The following SHF variants were observed in gnomAD, a reference collection of about 807,000 sequenced individuals.
SHF encodes the protein Src homology 2 domain containing F.
In SHF, 30 loss-of-function variants were observed where a neutral mutation model predicts 42.4. The observed-to-expected ratio is 0.71, with a 90% CI of 0.53 to 0.96. SHF has a LOEUF of 0.96. SHF is among the 40% of genes least tolerant of loss of function. The probability of loss-of-function intolerance (pLI) is 0.00; values close to 1 mark genes in which losing one functional copy is unlikely to be tolerated. For synonymous variants in SHF, 264 were observed against 269.9 expected (o/e 0.98, Z 0.21); for missense variants, 598 against 634.0 (o/e 0.94, Z 0.61).
chr15:45,177,630 C>T (rs1373463667), intron 2 of SHF, among the ~76,000 whole-genome samples: 1 of 152,142 alleles, frequency 6.6e-6, no homozygotes, highest in Non-Finnish European at 1.5e-5. Context: ...TGCCTCAGGG[C>T]CGTGGCTTGG....
At chr15:45,198,327 GA>G (rs1439771596) in intron 2 of SHF, among the ~76,000 whole-genome samples, 2 of 152,026 alleles carry the variant, frequency 1.3e-5, no homozygotes, top group Non-Finnish European at 2.9e-5. Flanking sequence ...AAATGTACAT[GA>G]AAAGAGAAAA....
Position 45,187,953 on chromosome 15 carries a change from G to C in SHF, c.-2C>G. 8.5e-7 allele frequency: 1 copy of C among 1,172,586 alleles called. No individual in the cohort carries two copies. The highest frequency in any genetic ancestry group is 1.1e-6 in the Non-Finnish European group (1 of 949,992). The allele number at this position is 1,172,586 out of a possible 1,614,324, so 72.6% of individuals were successfully genotyped here. Reference sequence around the variant, plus strand: ...CGGAGGAGCTCCGCTCAGTAACATGGGGCCAGCCAGACTGAGCGAGGGGAG... The same window carrying C: ...CGGAGGAGCTCCGCTCAGTAACATGCGGCCAGCCAGACTGAGCGAGGGGAG... On this transcript the variant is annotated 5_prime_UTR_variant, in exon 1 of 7. Coordinates refer to ENST00000690270, the MANE Select transcript of SHF (RefSeq NM_001394037.1).
At chr15:45,178,376 C>T in intron 1 of SHF, 70 bp from the exon 2 acceptor site, 1 of 1,552,460 alleles carries the variant, frequency 6.4e-7, no homozygotes, top group South Asian at 1.2e-5. Flanking sequence ...CCAAGGTACT[C>T]TGTCCATGGG....
intron 6 of SHF, among the ~76,000 whole-genome samples, chr15:45,169,091 C>A (rs1193026544): frequency 2.0e-5 from 3 of 152,172 alleles, no homozygotes; most frequent in Non-Finnish European, 4.4e-5. Context: ...ATACTGCTGG[C>A]CAGAGCCTAC....
At chr15:45,193,114 C>G (rs969001289) in intron 2 of SHF, among the ~76,000 whole-genome samples, 2 of 152,224 alleles carry the variant, frequency 1.3e-5, no homozygotes, top group African/African-American at 2.4e-5. Flanking sequence ...TTATCCCCCA[C>G]ATTGATGATC....
At chr15:45,175,517 T>C (rs1897754647) in intron 2 of SHF, 92 bp from the exon 3 acceptor site, 16 of 1,329,532 alleles carry the variant, frequency 1.2e-5, no homozygotes, top group Non-Finnish European at 1.6e-5. Context: ...AAGCCAGGCC[T>C]CCTTCAGAGG....
chr15:45,198,677 C>G (rs1030651379), intron 2 of SHF: 3 of 1,476,022 alleles, frequency 2.0e-6, no homozygotes, highest in Non-Finnish European at 2.7e-6. Flanking sequence ...ACGATCACGG[C>G]GAGCTACCGG....
At chr15:45,198,691 C>T (rs536286934) in intron 2 of SHF, 8 of 1,515,820 alleles carry the variant, frequency 5.3e-6, no homozygotes, top group South Asian at 5.1e-5. Context: ...CTACCGGGGA[C>T]CCGTAGGGGT....
At chr15:45,177,686 C>A (rs924952693) in intron 2 of SHF, among the ~76,000 whole-genome samples, 1 of 152,170 alleles carries the variant, frequency 6.6e-6, no homozygotes, top group African/African-American at 2.4e-5. Flanking sequence ...TGATCTCTTT[C>A]CCCTGGACTG....
intron 1 of SHF, among the ~76,000 whole-genome samples, chr15:45,183,825 A>T (rs1898245817): frequency 6.6e-6 from 1 of 152,252 alleles, no homozygotes; most frequent in South Asian, 2.1e-4. Flanking sequence ...TAGAGTGGAC[A>T]GGCCTGCCAT....
chr15:45,200,817 C>T, exon 1 of SHF: 1 of 456,292 alleles, frequency 2.2e-6, no homozygotes, highest in South Asian at 1.5e-5. Flanking sequence ...CAAAGTCGTT[C>T]AGATAGCATG....
intron 2 of SHF, among the ~76,000 whole-genome samples, chr15:45,197,852 G>C (rs1036684986): frequency 6.6e-6 from 1 of 151,650 alleles, no homozygotes; most frequent in Non-Finnish European, 1.5e-5. Context: ...AAAAGAGAGC[G>C]GGCAAGCGAG....
chr15:45,180,175 G>A (rs929473756), intron 1 of SHF, among the ~76,000 whole-genome samples: 3 of 152,136 alleles, frequency 2.0e-5, no homozygotes, highest in African/African-American at 4.8e-5. Context: ...TGTCTTTCCA[G>A]CTCCAGTAAG....
At chr15:45,200,386 C>A (rs1194820622) in intron 1 of SHF, 1 of 214,806 alleles carries the variant, frequency 4.7e-6, no homozygotes, top group Non-Finnish European at 9.8e-6. Context: ...AAAACAAACT[C>A]CCCTTGCCGT....
chr15:45,184,224 G>A (rs1377160459), intron 1 of SHF, among the ~76,000 whole-genome samples: 2 of 152,082 alleles, frequency 1.3e-5, no homozygotes, highest in Admixed American at 6.6e-5. Context: ...CTCAGGGCAG[G>A]AATATTTTGT....
At chr15:45,196,646 C>T (rs1898870994) in intron 2 of SHF, among the ~76,000 whole-genome samples, 1 of 151,988 alleles carries the variant, frequency 6.6e-6, no homozygotes, top group Non-Finnish European at 1.5e-5. Context: ...ACCTGTAATC[C>T]CGGCACTTTG....
Position 45,171,906 on chromosome 15 carries a change from C to T in SHF, c.1257G>A (p.Lys419=). Residue 419 remains lysine, a synonymous_variant, in exon 6 of 7, where the codon AAG becomes AAA. Coordinates refer to ENST00000690270, the MANE Select transcript of SHF (RefSeq NM_001394037.1). ...SYLVRNSETS[K]NDFSLSLKSS... ...ACTTGAGGGAGAGGGAGAAGTCATT[C>T]TTGCTGGTCTCACTGTTGCGCACCA... The T allele has an allele frequency of 6.2e-7, 1 of 1,613,572 alleles. No individual in the cohort carries two copies. Among genetic ancestry groups the T allele is most frequent in the Non-Finnish European group, 8.5e-7 (1 of 1,179,844 alleles).
intron 6 of SHF, among the ~76,000 whole-genome samples, chr15:45,168,420 T>TC (rs1897321041): frequency 1.3e-5 from 2 of 152,076 alleles, no homozygotes; most frequent in East Asian, 1.9e-4. Context: ...GACCAGCACC[T>TC]CCCCCGACCC....
chr15:45,187,382 T>C, intron 1 of SHF, 72 bp downstream of exon 1: 1 of 1,221,662 alleles, frequency 8.2e-7, no homozygotes, highest in African/African-American at 1.6e-5. Flanking sequence ...CAGGCCACCT[T>C]TGTCCCTCTC....
Sources: allele counts gnomAD v4.1 joint callset (sites outside exome capture counted in the v4.1 genomes callset), GRCh38; gene constraint gnomAD v4.1.1; transcripts MANE v1.5; gene names NCBI Gene and HGNC (gene_info 2026-07-23, HGNC 2026-07-21).